CACHD1: variants seen among roughly 807,000 people sequenced by gnomAD.
CACHD1 encodes the protein cache domain containing 1, also known as VWFA and cache domain-containing protein 1.
CACHD1 carries 71 observed loss-of-function variants against 138.7 expected under a neutral mutation model. The ratio of observed to expected loss-of-function variants is 0.51; its 90% CI spans 0.42 to 0.62. The LOEUF is 0.62. CACHD1 is among the 20% of genes least tolerant of loss of function. The pLI, the probability that CACHD1 is intolerant of heterozygous loss-of-function variation, is 0.00. For missense variants in CACHD1, 1,389 were observed against 1,625.3 expected, an observed-to-expected ratio of 0.85 and a Z score of 2.50; for synonymous variants, 578 against 591.5, an observed-to-expected ratio of 0.98 and a Z score of 0.33.
intron 11 of CACHD1, 80 bp from the exon 12 acceptor site, chr1:64,654,606 C>G (rs1223030933): frequency 2.0e-6 from 2 of 1,019,044 alleles, no homozygotes; most frequent in African/African-American, 1.6e-5. Context: ...GCCATTGACT[C>G]AACAGCTTCT....
intron 26 of CACHD1, among the ~76,000 whole-genome samples, chr1:64,687,173 T>C (rs1173038998): frequency 2.6e-5 from 4 of 152,238 alleles, no homozygotes; most frequent in African/African-American, 9.6e-5. Flanking sequence ...GCAAATATCC[T>C]TTGTGTTTCA....
At chr1:64,554,899 AC>A (rs2100464469) in intron 2 of CACHD1, among the ~76,000 whole-genome samples, 1 of 152,304 alleles carries the variant, frequency 6.6e-6, no homozygotes, top group Non-Finnish European at 1.5e-5. Flanking sequence ...GCTGGTAGTT[AC>A]CATATTAGGT....
At chr1:64,632,256 G>GAAAAAAAAAAAAA (rs55924104) in intron 5 of CACHD1, among the ~76,000 whole-genome samples, 1 of 129,808 alleles carries the variant, frequency 7.7e-6, no homozygotes, top group African/African-American at 3.1e-5. Flanking sequence ...GCTTTTTTCT[G>GAAAAAAAAAAAAA]AAAAAAAAAA....
At chr1:64,529,436 C>G (rs1167238478) in intron 1 of CACHD1, among the ~76,000 whole-genome samples, 1 of 152,298 alleles carries the variant, frequency 6.6e-6, no homozygotes, top group East Asian at 1.9e-4. Context: ...CGCAACCAAT[C>G]TACAACGGAG....
At chr1:64,579,987 A>G (rs1029600947) in intron 2 of CACHD1, 3 of 152,640 alleles carry the variant, frequency 2.0e-5, no homozygotes, top group African/African-American at 7.2e-5. Flanking sequence ...TTATGAGAAT[A>G]TAAGGTTTTC....
intron 3 of CACHD1, among the ~76,000 whole-genome samples, chr1:64,587,591 T>C (rs1423929942): frequency 6.6e-6 from 1 of 152,224 alleles, no homozygotes; most frequent in East Asian, 1.9e-4. Flanking sequence ...CAATGTTTGT[T>C]GTTGAAGGAA....
At chr1:64,609,464 A>G (rs1487587434) in intron 4 of CACHD1, among the ~76,000 whole-genome samples, 5 of 152,200 alleles carry the variant, frequency 3.3e-5, no homozygotes, top group African/African-American at 1.2e-4. Context: ...GTATGTGTGT[A>G]TACTTATGTA....
intron 4 of CACHD1, among the ~76,000 whole-genome samples, chr1:64,628,367 C>T (rs934844696): frequency 1.9e-4 from 29 of 152,096 alleles, no homozygotes; most frequent in Admixed American, 1.8e-3. Context: ...GTTTTGTGCT[C>T]GTCTTTGTAT....
chr1:64,676,665 G>T (rs551042210), intron 21 of CACHD1, among the ~76,000 whole-genome samples: 2 of 152,210 alleles, frequency 1.3e-5, no homozygotes, highest in East Asian at 3.9e-4. Flanking sequence ...AGTACTTTTC[G>T]TAGAGATGAG....
chr1:64,652,037 C>A (rs1649112309), intron 9 of CACHD1, 124 bp from the exon 10 acceptor site: 2 of 829,988 alleles, frequency 2.4e-6, no homozygotes, highest in Non-Finnish European at 3.6e-6. Flanking sequence ...ACATGGGAAA[C>A]TTTTCTTCCA....
chr1:64,509,990 A>T (rs1197853490), intron 1 of CACHD1, among the ~76,000 whole-genome samples: 1 of 152,240 alleles, frequency 6.6e-6, no homozygotes, highest in East Asian at 1.9e-4. Flanking sequence ...CATACATTTC[A>T]CATTTATGAT....
intron 9 of CACHD1, among the ~76,000 whole-genome samples, chr1:64,649,806 G>T (rs2100676673): frequency 6.6e-6 from 1 of 152,254 alleles, no homozygotes; most frequent in East Asian, 1.9e-4. Flanking sequence ...TCCAAATTTT[G>T]CTCCTTGGGG....
intron 5 of CACHD1, 61 bp downstream of exon 5, chr1:64,629,542 T>C (rs1388767272): frequency 1.3e-5 from 20 of 1,559,084 alleles, no homozygotes; most frequent in Non-Finnish European, 1.7e-5. Flanking sequence ...ACATGAAATA[T>C]AAAACTTCTC....
rs200393627 is a variant in CACHD1 at position 64,633,997 on chromosome 1, G to A, written c.790-47G>A. ...TACATAAATAAATAAATCTTTAGAC[G>A]GTAGGATAACAAGTTTGGTGGTTTT... is the stretch of plus-strand genomic sequence containing the variant. On this transcript the variant is annotated intron_variant, in intron 6 of 26. Coordinates refer to ENST00000651257, the MANE Select transcript of CACHD1 (RefSeq NM_020925.4). 1,167 of 1,444,138 alleles carry A rather than the reference G, an allele frequency of 8.1e-4. 5 individuals carry two copies. Among genetic ancestry groups the A allele is most frequent in the Non-Finnish European group, 9.4e-4 (981 of 1,045,412 alleles). 89.5% of individuals were successfully genotyped at this position (1,444,138 alleles called of 1,614,324 possible). A position where few individuals can be genotyped will look rare whatever the true frequency, so the allele number is the denominator to read the frequency against.
intron 1 of CACHD1, among the ~76,000 whole-genome samples, chr1:64,473,431 T>C (rs1646157294): frequency 6.6e-6 from 1 of 152,162 alleles, no homozygotes; most frequent in Non-Finnish European, 1.5e-5. Flanking sequence ...TCTGAAATTA[T>C]GTGGGTTTAG....
At chr1:64,634,707 A>G (rs1266729297) in intron 7 of CACHD1, among the ~76,000 whole-genome samples, 1 of 152,018 alleles carries the variant, frequency 6.6e-6, no homozygotes, top group Non-Finnish European at 1.5e-5. Context: ...AAAAAAATTG[A>G]TTGGGGGCGA....
intron 8 of CACHD1, among the ~76,000 whole-genome samples, 200 bp from the exon 9 acceptor site, chr1:64,647,601 T>C (rs1289737575): frequency 1.3e-5 from 2 of 152,212 alleles, no homozygotes; most frequent in East Asian, 3.8e-4. Context: ...CCCTCTTGAC[T>C]ATTTCAGGAA....
intron 2 of CACHD1, 108 bp downstream of exon 2, chr1:64,550,764 C>T: frequency 1.4e-6 from 1 of 714,732 alleles, no homozygotes; most frequent in Non-Finnish European, 2.4e-6. Context: ...TTCTTTCTCT[C>T]TGTATAATTT....
intron 3 of CACHD1, among the ~76,000 whole-genome samples, chr1:64,589,092 G>A (rs1024758418): frequency 6.6e-6 from 1 of 152,110 alleles, no homozygotes; most frequent in African/African-American, 2.4e-5. Context: ...ATTCTCTCAG[G>A]GGAAACTTAA....
Sources: gnomAD v4.1 joint callset for allele counts (sites outside exome capture counted in the v4.1 genomes callset) on GRCh38, gnomAD v4.1.1 for gene constraint, MANE v1.5 for transcripts, NCBI Gene and HGNC (gene_info 2026-07-23, HGNC 2026-07-21) for gene names.